LINGO2: variants seen among roughly 807,000 people sequenced by gnomAD.
LINGO2 encodes the protein leucine-rich repeat and immunoglobulin-like domain-containing nogo receptor-interacting protein 2.
A neutral mutation model predicts 30.6 loss-of-function variants in LINGO2; 14 were observed. The ratio of observed to expected loss-of-function variants is 0.46; its 90% CI spans 0.30 to 0.72. LINGO2 has a LOEUF of 0.72. LINGO2 is among the 30% of genes least tolerant of loss of function. The pLI is 0.07. For synonymous variants in LINGO2, 317 were observed against 288.5 expected, an observed-to-expected ratio of 1.10 and a Z score of -1.00; for missense variants, 729 against 751.7, an observed-to-expected ratio of 0.97 and a Z score of 0.35.
chr9:28,091,128 G>A (rs1333647770), intron 4 of LINGO2, among the ~76,000 whole-genome samples: 2 of 152,160 alleles, frequency 1.3e-5, no homozygotes, highest in African/African-American at 4.8e-5. Context: ...TCATGAAAAT[G>A]GCCATATTGC....
the LINGO2 span, among the ~76,000 whole-genome samples, chr9:28,709,906 A>G: frequency 6.6e-6 from 1 of 152,002 alleles, no homozygotes; most frequent in Non-Finnish European, 1.5e-5. Flanking sequence ...TATTGCACCT[A>G]TGATTTAATG....
intron 1 of LINGO2, among the ~76,000 whole-genome samples, chr9:28,611,082 C>T (rs1315864024): frequency 6.6e-6 from 1 of 152,128 alleles, no homozygotes; most frequent in African/African-American, 2.4e-5. Flanking sequence ...GTAGTAAACT[C>T]ACACACCATC....
At chr9:28,718,736 A>G in the LINGO2 span, among the ~76,000 whole-genome samples, 2 of 152,002 alleles carry the variant, frequency 1.3e-5, no homozygotes, top group African/African-American at 4.8e-5. Flanking sequence ...GGCATACTTA[A>G]CTCATTTTTC....
At chr9:28,272,191 C>T (rs1822964431) in intron 4 of LINGO2, among the ~76,000 whole-genome samples, 1 of 152,098 alleles carries the variant, frequency 6.6e-6, no homozygotes, top group Non-Finnish European at 1.5e-5. Flanking sequence ...CTACTGACCC[C>T]ATGCTGTCCA....
intron 3 of LINGO2, among the ~76,000 whole-genome samples, chr9:28,339,452 T>C (rs1363414095): frequency 2.6e-5 from 4 of 152,140 alleles, no homozygotes; most frequent in Non-Finnish European, 5.9e-5. Flanking sequence ...TAATTGTACA[T>C]TGAAAATGTT....
chr9:29,079,885 TTTA>T, the LINGO2 span, among the ~76,000 whole-genome samples: 1 of 152,004 alleles, frequency 6.6e-6, no homozygotes, highest in African/African-American at 2.4e-5. Context: ...AGAAAAATAG[TTTA>T]TTATTTCTAT....
the LINGO2 span, among the ~76,000 whole-genome samples, chr9:28,956,569 T>G: frequency 1.1e-5 from 1 of 91,382 alleles, no homozygotes; most frequent in East Asian, 3.1e-4. Context: ...CCTTCCTTCC[T>G]TCCTCCATCC....
upstream of LINGO2, among the ~76,000 whole-genome samples, chr9:28,673,755 G>A (rs1461839456): frequency 2.0e-5 from 3 of 152,016 alleles, no homozygotes; most frequent in Admixed American, 1.3e-4. Flanking sequence ...AGTTTCATAA[G>A]AATTGGTAGA....
the LINGO2 span, among the ~76,000 whole-genome samples, chr9:28,912,733 G>A: frequency 6.6e-6 from 1 of 152,054 alleles, no homozygotes; most frequent in African/African-American, 2.4e-5. Context: ...TCTACAAAAC[G>A]ACAGCCTGTA....
At chr9:28,095,578 T>G (rs1266615065) in intron 4 of LINGO2, among the ~76,000 whole-genome samples, 2 of 151,856 alleles carry the variant, frequency 1.3e-5, no homozygotes, top group Admixed American at 1.3e-4. Flanking sequence ...ATTAAAGACT[T>G]AAACATTAGA....
At position 28,243,589 on chromosome 9, in the gene LINGO2, G is replaced by A. The variant is rs538370125; in HGVS notation, c.-87+51619C>T. Among the ~76,000 whole-genome samples the A allele has an allele frequency of 2.0e-4, 30 of 151,846 alleles. No individual in the cohort carries two copies. The South Asian group carries it at 6.0e-3, about 31-fold the overall frequency. ...ACCATAGGCTCAAAATAAAGGGATG[G>A]AAGAATATTTACCAAGCAAATGGAA... is the stretch of plus-strand genomic sequence containing the variant. On this transcript the variant is annotated intron_variant, in intron 4 of 5. Coordinates refer to ENST00000379992, the Ensembl canonical transcript of LINGO2.
chr9:28,331,715 A>C (rs1481817319), intron 3 of LINGO2, among the ~76,000 whole-genome samples: 1 of 152,186 alleles, frequency 6.6e-6, no homozygotes, highest in African/African-American at 2.4e-5. Context: ...CATGTTGCCC[A>C]GCCTGGCCTC....
the LINGO2 span, among the ~76,000 whole-genome samples, chr9:28,725,715 A>C: frequency 6.6e-6 from 1 of 152,054 alleles, no homozygotes; most frequent in Non-Finnish European, 1.5e-5. Context: ...AAATAAAGTC[A>C]CCTATGAAAA....
intron 3 of LINGO2, among the ~76,000 whole-genome samples, chr9:28,300,126 G>GAAAAAAAAA: frequency 7.6e-6 from 1 of 132,008 alleles, no homozygotes; most frequent in Non-Finnish European, 1.6e-5. Flanking sequence ...TTTTCTAATG[G>GAAAAAAAAA]AAAAAAAAAA....
At chr9:28,582,833 C>T (rs1195471582) in intron 1 of LINGO2, among the ~76,000 whole-genome samples, 1 of 151,982 alleles carries the variant, frequency 6.6e-6, no homozygotes, top group African/African-American at 2.4e-5. Context: ...TATGGTTGAA[C>T]CTTGTTTATG....
chr9:28,183,852 G>T (rs554100598), intron 4 of LINGO2, among the ~76,000 whole-genome samples: 2 of 152,234 alleles, frequency 1.3e-5, no homozygotes, highest in Admixed American at 1.3e-4. Flanking sequence ...GGTAAAATTT[G>T]GTTTGGAAAC....
chr9:28,330,314 T>C (rs1825374914), intron 3 of LINGO2, among the ~76,000 whole-genome samples: 1 of 152,182 alleles, frequency 6.6e-6, no homozygotes, highest in South Asian at 2.1e-4. Flanking sequence ...CTATGGATTT[T>C]GTTATGACAG....
At chr9:27,970,958 A>C (rs1820324098) in intron 5 of LINGO2, among the ~76,000 whole-genome samples, 1 of 151,186 alleles carries the variant, frequency 6.6e-6, no homozygotes, top group Admixed American at 6.6e-5. Context: ...CTCATAAGGC[A>C]TGAGTTTCCC....
intron 4 of LINGO2, among the ~76,000 whole-genome samples, chr9:28,060,042 T>C (rs1453255640): frequency 1.3e-5 from 2 of 151,792 alleles, no homozygotes; most frequent in African/African-American, 4.9e-5. Flanking sequence ...CTCATAAATT[T>C]TAGAAAATGG....
Sources: gnomAD v4.1 joint callset for allele counts (sites outside exome capture counted in the v4.1 genomes callset) on GRCh38, gnomAD v4.1.1 for gene constraint, MANE v1.5 for transcripts, NCBI Gene and HGNC (gene_info 2026-07-23, HGNC 2026-07-21) for gene names.